PRKCA: variants seen among roughly 807,000 people sequenced by gnomAD.
PRKCA encodes protein kinase C alpha type.
Under a neutral mutation model 87.0 loss-of-function variants are expected in PRKCA, and 27 were observed. The observed-to-expected ratio is 0.31, with a 90% CI of 0.23 to 0.43. The LOEUF (loss-of-function observed/expected upper bound fraction) is 0.43, where lower values mean the gene tolerates loss of function less well. PRKCA is among the 20% of genes least tolerant of loss of function. The pLI, the probability that PRKCA is intolerant of heterozygous loss-of-function variation, is 1.00. For missense variants in PRKCA, 518 were observed against 852.3 expected (o/e 0.61, Z 4.88); for synonymous variants, 329 against 311.1 (o/e 1.06, Z -0.61).
chr17:66,524,543 G>A (rs1209129290), intron 3 of PRKCA, among the ~76,000 whole-genome samples: 1 of 152,166 alleles, frequency 6.6e-6, no homozygotes, highest in Admixed American at 6.5e-5. Context: ...TGAGAATCCA[G>A]TTCTCATCTC....
intron 2 of PRKCA, among the ~76,000 whole-genome samples, chr17:66,320,896 G>A (rs1048130794): frequency 1.3e-5 from 2 of 152,168 alleles, no homozygotes; most frequent in Admixed American, 6.5e-5. Context: ...TTGACTAAAT[G>A]TAGTCATGGA....
intron 2 of PRKCA, among the ~76,000 whole-genome samples, chr17:66,376,455 A>G (rs1338554188): frequency 2.6e-5 from 4 of 152,274 alleles, no homozygotes; most frequent in Middle Eastern, 3.4e-3. Context: ...TAAAACTACA[A>G]AAATTATCTG....
At chr17:66,353,830 G>C (rs1717883688) in intron 2 of PRKCA, among the ~76,000 whole-genome samples, 1 of 152,182 alleles carries the variant, frequency 6.6e-6, no homozygotes, top group African/African-American at 2.4e-5. Flanking sequence ...TTATAGCCCT[G>C]GTGGGCTGCA....
intron 2 of PRKCA, among the ~76,000 whole-genome samples, chr17:66,369,572 A>G (rs181440227): frequency 6.6e-6 from 1 of 152,294 alleles, no homozygotes; most frequent in African/African-American, 2.4e-5. Flanking sequence ...GCCTTGAGGT[A>G]CTTATTTCAT....
Position 66,456,026 on chromosome 17 carries a change from G to A in PRKCA, c.206-40175G>A, listed in dbSNP as rs528813570. Among the ~76,000 whole-genome samples, 52 of 152,180 alleles carry A rather than the reference G, an allele frequency of 3.4e-4. 1 individual carries two copies. Among genetic ancestry groups the A allele is most frequent in the South Asian group, 1.9e-3 (9 of 4,802 alleles). ...TGTTGTTCTCGTAAGAAGGCCAGGT[G>A]AAGACACAGAGACACACAGGAGGAA... On this transcript the variant is annotated intron_variant, in intron 2 of 16. Coordinates refer to ENST00000413366, the MANE Select transcript of PRKCA (RefSeq NM_002737.3).
chr17:66,406,167 A>C (rs982593724), intron 2 of PRKCA, among the ~76,000 whole-genome samples: 3 of 152,122 alleles, frequency 2.0e-5, no homozygotes, highest in Non-Finnish European at 4.4e-5. Flanking sequence ...AGACGGGATA[A>C]CAGAAATTTG....
chr17:66,800,540 G>A (rs1975877753), intron 16 of PRKCA, among the ~76,000 whole-genome samples: 1 of 152,240 alleles, frequency 6.6e-6, no homozygotes, highest in African/African-American at 2.4e-5. Context: ...AGGCTTCTCA[G>A]TGGGGAGGTT....
At chr17:66,628,114 A>T (rs1209054686) in intron 3 of PRKCA, among the ~76,000 whole-genome samples, 1 of 152,074 alleles carries the variant, frequency 6.6e-6, no homozygotes, top group African/African-American at 2.4e-5. Context: ...TTATTCCAGC[A>T]GGCTCAGCAA....
intron 13 of PRKCA, among the ~76,000 whole-genome samples, chr17:66,750,948 A>G (rs999028572): frequency 3.9e-5 from 6 of 152,180 alleles, no homozygotes; most frequent in African/African-American, 1.4e-4. Context: ...GCAACATGTC[A>G]CTCCACATGT....
intron 2 of PRKCA, among the ~76,000 whole-genome samples, chr17:66,403,385 A>G (rs1371676123): frequency 2.0e-5 from 3 of 152,188 alleles, no homozygotes; most frequent in Non-Finnish European, 2.9e-5. Context: ...ACCTACATAC[A>G]CAGCTCTGTA....
At chr17:66,776,881 G>A (rs1169456377) in intron 14 of PRKCA, among the ~76,000 whole-genome samples, 2 of 152,194 alleles carry the variant, frequency 1.3e-5, no homozygotes, top group African/African-American at 4.8e-5. Flanking sequence ...CTGGAGTTAC[G>A]TGTGTGCTCA....
At chr17:66,603,810 G>C (rs1407295983) in intron 3 of PRKCA, among the ~76,000 whole-genome samples, 2 of 152,070 alleles carry the variant, frequency 1.3e-5, no homozygotes, top group African/African-American at 4.8e-5. Context: ...TCTACCTTCT[G>C]TCTCTATGAA....
intron 2 of PRKCA, among the ~76,000 whole-genome samples, chr17:66,486,107 A>G (rs1915977745): frequency 6.6e-6 from 1 of 152,156 alleles, no homozygotes; most frequent in Non-Finnish European, 1.5e-5. Flanking sequence ...TCAACCCCCA[A>G]ACACTGCTTG....
chr17:66,449,289 AAAAACAAAAC>A (rs952978663), intron 2 of PRKCA, among the ~76,000 whole-genome samples: 3 of 152,158 alleles, frequency 2.0e-5, no homozygotes, highest in South Asian at 2.1e-4. Flanking sequence ...CCTATTTCAA[AAAAACAAAAC>A]AAAACAAAAC....
Position 66,792,291 on chromosome 17 carries a change from T to G in PRKCA, c.1854+3312T>G, listed in dbSNP as rs1287057996. 1.3e-5 allele frequency among the ~76,000 whole-genome samples: 2 copies of G among 152,208 alleles called. No individual in the cohort carries two copies. Among genetic ancestry groups the G allele is most frequent in the Non-Finnish European group, 2.9e-5 (2 of 68,030 alleles). On this transcript the variant is annotated intron_variant, in intron 16 of 16. Transcript: ENST00000413366. The surrounding 1 kb of genome is among the most constrained non-coding windows in gnomAD (Gnocchi z 4.5). ...CAAATACCAGTAGCGGGACTTCAGG[T>G]TCTCACAGTTATTTGCAAACTGCTT...
At chr17:66,607,044 G>A (rs978633324) in intron 3 of PRKCA, among the ~76,000 whole-genome samples, 2 of 152,070 alleles carry the variant, frequency 1.3e-5, no homozygotes, top group East Asian at 3.8e-4. Flanking sequence ...ATTTTGTAAT[G>A]CAATTACTTT....
chr17:66,768,263 G>T (rs7214212), intron 13 of PRKCA, among the ~76,000 whole-genome samples: 15,799 of 148,582 alleles, frequency 0.11, 806 homozygotes, highest in Admixed American at 0.13. Context: ...TTTTTTTTTG[G>T]GGGGGAGAGA....
intron 2 of PRKCA, among the ~76,000 whole-genome samples, chr17:66,360,435 A>T (rs1320389124): frequency 6.6e-6 from 1 of 152,224 alleles, no homozygotes; most frequent in East Asian, 1.9e-4. Flanking sequence ...TTGCCACAGT[A>T]TTCTCTGACG....
intron 5 of PRKCA, among the ~76,000 whole-genome samples, chr17:66,664,780 T>C (rs1436574494): frequency 6.7e-6 from 1 of 149,046 alleles, no homozygotes; most frequent in African/African-American, 2.5e-5. Context: ...CCTCAGCCCC[T>C]GTAGCTGGGA....
Sources: gnomAD v4.1 joint callset for allele counts (sites outside exome capture counted in the v4.1 genomes callset) on GRCh38, gnomAD v4.1.1 for gene constraint, Gnocchi (gnomAD v3.1) non-coding constraint, MANE v1.5 for transcripts, NCBI Gene and HGNC (gene_info 2026-07-23, HGNC 2026-07-21) for gene names.